DNAH10: variants seen among roughly 807,000 people sequenced by gnomAD.
DNAH10 encodes dynein axonemal heavy chain 10.
Under a neutral mutation model 506.6 loss-of-function variants are expected in DNAH10, and 348 were observed. The ratio of observed to expected loss-of-function variants is 0.69; its 90% CI spans 0.63 to 0.75. The LOEUF is 0.75. DNAH10 is among the 30% of genes least tolerant of loss of function. DNAH10 has a pLI of 0.00. For synonymous variants in DNAH10, 2,059 were observed against 2,198.6 expected, an observed-to-expected ratio of 0.94 and a Z score of 1.78; for missense variants, 5,179 against 5,787.1, an observed-to-expected ratio of 0.89 and a Z score of 3.41.
rs1475615280 is a variant in DNAH10 at position 123,846,902 on chromosome 12, C to A, written c.5814+748C>A. Among the ~76,000 whole-genome samples the A allele has an allele frequency of 6.6e-6, 1 of 152,038 alleles. No homozygotes were observed. Among genetic ancestry groups the A allele is most frequent in the Non-Finnish European group, 1.5e-5 (1 of 68,014 alleles). On this transcript the variant is annotated intron_variant, in intron 32 of 78. Transcript: ENST00000673944. The surrounding 1 kb of genome is among the most constrained non-coding windows in gnomAD (Gnocchi z 4.5). ...CATCACACCATGGGATTTGGGGGGA[C>A]AAGGATAAAGGGAATGAGTGAGAAC...
intron 46 of DNAH10, among the ~76,000 whole-genome samples, chr12:123,874,805 G>C (rs1017326218): frequency 1.3e-5 from 2 of 152,092 alleles, no homozygotes; most frequent in African/African-American, 2.4e-5. Context: ...GTGTCGATGT[G>C]TGGACAGGCA....
intron 51 of DNAH10, among the ~76,000 whole-genome samples, chr12:123,883,043 A>T (rs1241632220): frequency 6.6e-6 from 1 of 152,128 alleles, no homozygotes; most frequent in East Asian, 1.9e-4. Context: ...GTTGTAGCAT[A>T]CATCGGTACT....
At chr12:123,922,023 A>C (rs1954752647) in intron 65 of DNAH10, among the ~76,000 whole-genome samples, 1 of 151,876 alleles carries the variant, frequency 6.6e-6, no homozygotes. Context: ...CCTAGCTTGC[A>C]AAATTTTATT....
chr12:123,910,504 A>G, intron 58 of DNAH10, 32 bp from the exon 59 acceptor site: 2 of 1,601,474 alleles, frequency 1.2e-6, no homozygotes, highest in African/African-American at 1.3e-5. Context: ...GAAGCTTGCC[A>G]CTCATAAAAA....
chr12:123,772,654 A>T (rs565013759), intron 3 of DNAH10, among the ~76,000 whole-genome samples, 180 bp from the exon 4 acceptor site: 27 of 152,284 alleles, frequency 1.8e-4, no homozygotes, highest in African/African-American at 5.8e-4. Flanking sequence ...GACAGCTCAG[A>T]GTCTGGGTGC....
intron 23 of DNAH10, 70 bp from the exon 24 acceptor site, chr12:123,820,510 A>G (rs1457768140): frequency 6.9e-6 from 10 of 1,454,094 alleles, no homozygotes; most frequent in East Asian, 2.3e-5. Flanking sequence ...TACATTATGC[A>G]TGATTTCTTA....
At chr12:123,860,833 G>A (rs568788585) in intron 38 of DNAH10, among the ~76,000 whole-genome samples, 179 bp from the exon 39 acceptor site, 1 of 152,178 alleles carries the variant, frequency 6.6e-6, no homozygotes, top group African/African-American at 2.4e-5. Flanking sequence ...AAATGTGGTT[G>A]CTTTATATTT....
chr12:123,790,034 C>T lies in DNAH10; in HGVS notation c.1728C>T (p.Pro576=), dbSNP rs373236866. The T allele has an allele frequency of 9.9e-6, 16 of 1,614,048 alleles. No individual in the cohort carries two copies. The highest frequency in any genetic ancestry group is 8.3e-5 in the Admixed American group (5 of 60,006). The part of the protein sequence containing the change: ...VLCRVDGLVT[P]MENLTFDPFS... ...GCAGAGTGGACGGCCTAGTCACCCC[C>T]ATGGAAAACCTGACCTTTGACCCCT... Residue 576 remains proline (P), a synonymous_variant, in exon 11 of 79, where the codon CCC becomes CCT. Coordinates refer to ENST00000673944, the MANE Select transcript of DNAH10 (RefSeq NM_001372106.1).
chr12:123,801,484 T>G (rs761963350), intron 16 of DNAH10, 52 bp downstream of exon 16: 4 of 1,574,852 alleles, frequency 2.5e-6, no homozygotes, highest in Non-Finnish European at 2.6e-6. Flanking sequence ...GCAAAGTAAT[T>G]CTTTTAGGTT....
In DNAH10 at chr12:123,813,501, A is replaced by T; in HGVS notation, c.3482A>T (p.Asp1161Val). 6.2e-7 allele frequency: 1 copy of T among 1,614,188 alleles called. No homozygotes were observed. ...YEVMRHPLIKDEHCIRLQLRH... is the reference protein window; with the variant it reads ...YEVMRHPLIKVEHCIRLQLRH... ...GTTATGCGCCACCCTCTAATTAAGG[A>T]TGAGCATTGCATCAGACTTCAGCTC... is the stretch of plus-strand genomic sequence containing the variant. Residue 1161 changes from aspartate to valine, a missense_variant, in exon 20 of 79, where the codon GAT becomes GTT. Around this residue, in one of 3 missense-constraint regions of DNAH10, gnomAD observed 4,844 missense variants for 5,430.5 expected, o/e 0.89. Coordinates refer to ENST00000673944, the MANE Select transcript of DNAH10 (RefSeq NM_001372106.1).
intron 21 of DNAH10, among the ~76,000 whole-genome samples, chr12:123,816,859 C>T (rs1959161496): frequency 6.6e-6 from 1 of 152,212 alleles, no homozygotes; most frequent in Non-Finnish European, 1.5e-5. Flanking sequence ...TCACTAGATT[C>T]TGCTAATTTT....
At position 123,780,980 on chromosome 12, in the gene DNAH10, G is replaced by A. The variant is rs73219064; in HGVS notation, c.622-100G>A. Reference sequence around the variant, plus strand: ...AAAAAAAAGAATATTCAAAACCAGAGGCAATTTGAATAAAGAATATTCAAA... The same window carrying A: ...AAAAAAAAGAATATTCAAAACCAGAAGCAATTTGAATAAAGAATATTCAAA... On this transcript the variant is annotated intron_variant, in intron 5 of 78. Transcript: ENST00000673944. 1.5e-3 allele frequency: 1,218 copies of A among 815,222 alleles called. 1 individual carries two copies. The highest frequency in any genetic ancestry group is 1.7e-3 in the Non-Finnish European group (919 of 546,838). The allele number at this position is 815,222 out of a possible 1,614,324, so 50.5% of individuals were successfully genotyped here. A position where few individuals can be genotyped will look rare whatever the true frequency, so the allele number is the denominator to read the frequency against.
chr12:123,918,654 G>C, intron 64 of DNAH10, 22 bp from the exon 65 acceptor site: 1 of 1,533,106 alleles, frequency 6.5e-7, no homozygotes, highest in Non-Finnish European at 8.8e-7. Context: ...CTGTTTCCAG[G>C]GTCACCTGTG....
At chr12:123,783,904 C>A in intron 7 of DNAH10, 43 bp from the exon 8 acceptor site, 1 of 1,558,580 alleles carries the variant, frequency 6.4e-7, no homozygotes, top group Non-Finnish European at 8.8e-7. Context: ...GTCTGCTCCA[C>A]CCTAATAATG....
In DNAH10 at chr12:123,861,246, A is replaced by G. The variant is rs1951600070; in HGVS notation, c.6908+76A>G. On this transcript the variant is annotated intron_variant, in intron 39 of 78. Transcript: ENST00000673944. ...GCTCAACATTAAAAACGGTGGCAGG[A>G]CTATACATTGTAGCTTCATGCTTGG... The G allele has an allele frequency of 2.6e-6, 4 of 1,522,942 alleles. No individual in the cohort carries two copies. The South Asian group carries it at 5.0e-5, about 19-fold the overall frequency. 94.3% of individuals were successfully genotyped at this position (1,522,942 alleles called of 1,614,324 possible). A position where few individuals can be genotyped will look rare whatever the true frequency, so the allele number is the denominator to read the frequency against.
intron 1 of DNAH10, 92 bp from the exon 2 acceptor site, chr12:123,767,514 C>A: frequency 8.0e-7 from 1 of 1,245,084 alleles, no homozygotes; most frequent in South Asian, 1.3e-5. Context: ...CACATACCAA[C>A]CCCTTGGCTC....
chr12:123,786,357 A>G (rs114808264), intron 9 of DNAH10, among the ~76,000 whole-genome samples: 2,115 of 146,954 alleles, frequency 0.014, 50 homozygotes, highest in African/African-American at 0.049. Context: ...TTTTTTTAGT[A>G]TATTCACAGA....
intron 2 of DNAH10, among the ~76,000 whole-genome samples, chr12:123,770,117 A>G (rs554537276): frequency 2.2e-4 from 33 of 151,772 alleles, no homozygotes; most frequent in Non-Finnish European, 3.8e-4. Context: ...GCATGGTGGC[A>G]TGTACCTGTA....
In DNAH10 at chr12:123,930,474, G is replaced by C; in HGVS notation, c.12685G>C (p.Gly4229Arg). ...ILTIYMDEYL[G>R]DFIFDTFQPF... ...GACCATCTACATGGATGAGTACCTG[G>C]GGGACTTCATTTTTGATACTTTCCA... is the stretch of plus-strand genomic sequence containing the variant. Residue 4229 changes from glycine (G) to arginine (R), a missense_variant, in exon 73 of 79, where the codon GGG becomes CGG. Gly to Arg is a moderately radical substitution (Grantham distance 125, BLOSUM62 -2). Transcript: ENST00000673944. 6.2e-7 allele frequency: 1 copy of C among 1,611,364 alleles called. No individual in the cohort carries two copies. Among genetic ancestry groups the C allele is most frequent in the Non-Finnish European group, 8.5e-7 (1 of 1,179,048 alleles).
Sources: gnomAD v4.1 joint callset for allele counts (sites outside exome capture counted in the v4.1 genomes callset) on GRCh38, gnomAD v4.1.1 for gene constraint, gnomAD v4.1.1 regional missense constraint, Gnocchi (gnomAD v3.1) non-coding constraint, MANE v1.5 for transcripts, NCBI Gene and HGNC (gene_info 2026-07-23, HGNC 2026-07-21) for gene names.